RBFOX1: variants seen among roughly 807,000 people sequenced by gnomAD.
The protein encoded by RBFOX1 is RNA binding protein fox-1 homolog 1.
RBFOX1 carries 8 observed loss-of-function variants against 57.7 expected under a neutral mutation model. The ratio of observed to expected loss-of-function variants is 0.14; its 90% CI spans 0.08 to 0.25. RBFOX1 has a LOEUF of 0.25. Among genes scored for constraint, RBFOX1 ranks in the 10% least tolerant of loss-of-function variants. RBFOX1 has a pLI of 1.00. For synonymous variants in RBFOX1, 326 were observed against 222.4 expected, an observed-to-expected ratio of 1.47 and a Z score of -4.15; for missense variants, 611 against 548.5, an observed-to-expected ratio of 1.11 and a Z score of -1.14.
At chr16:7,407,948 A>G (rs1018899254) in intron 4 of RBFOX1, among the ~76,000 whole-genome samples, 1 of 152,202 alleles carries the variant, frequency 6.6e-6, no homozygotes, top group Non-Finnish European at 1.5e-5. Context: ...TTGGGCCGCA[A>G]TGGCAGAATT....
At chr16:6,780,251 A>G (rs1345153826) in intron 3 of RBFOX1, among the ~76,000 whole-genome samples, 3 of 86,180 alleles carry the variant, frequency 3.5e-5, no homozygotes, top group Admixed American at 2.2e-4. Flanking sequence ...TTACATATAT[A>G]TTTATATATA....
intron 2 of RBFOX1, among the ~76,000 whole-genome samples, chr16:5,492,415 G>A (rs2042865068): frequency 6.6e-6 from 1 of 152,188 alleles, no homozygotes; most frequent in African/African-American, 2.4e-5. Context: ...AGGGGAGAGA[G>A]TTGGAGATAC....
At chr16:5,270,853 C>T in intron 1 of RBFOX1, 1 of 419,530 alleles carries the variant, frequency 2.4e-6, no homozygotes, top group Non-Finnish European at 4.5e-6. Flanking sequence ...CATGGAGCTT[C>T]ATGGTGAAGG....
intron 11 of RBFOX1, among the ~76,000 whole-genome samples, chr16:7,643,605 A>G (rs1165254488): frequency 6.6e-6 from 1 of 152,194 alleles, no homozygotes; most frequent in Non-Finnish European, 1.5e-5. Flanking sequence ...CTCACACTGT[A>G]CTAGTACAAA....
downstream of RBFOX1, chr16:5,601,448 A>G (rs1252104448): frequency 1.3e-5 from 2 of 152,228 alleles, no homozygotes; most frequent in African/African-American, 4.8e-5. Context: ...CCCTTAGATG[A>G]TGTAGCCTCA....
At chr16:6,229,719 A>G in intron 1 of RBFOX1, among the ~76,000 whole-genome samples, 1 of 152,098 alleles carries the variant, frequency 6.6e-6, no homozygotes, top group East Asian at 1.9e-4. Flanking sequence ...AAAAAAAAAA[A>G]AATAAGATTT....
At chr16:6,991,962 T>G (rs2091540551) in intron 3 of RBFOX1, among the ~76,000 whole-genome samples, 1 of 152,204 alleles carries the variant, frequency 6.6e-6, no homozygotes, top group Non-Finnish European at 1.5e-5. Flanking sequence ...TCCCAGATCC[T>G]GTGTTGTTAA....
intron 2 of RBFOX1, among the ~76,000 whole-genome samples, chr16:6,373,434 A>G (rs2090759872): frequency 6.6e-6 from 1 of 151,772 alleles, no homozygotes; most frequent in Non-Finnish European, 1.5e-5. Context: ...GGGTGGAAGT[A>G]TAACTGGATG....
chr16:5,434,042 G>A (rs1010810018), intron 1 of RBFOX1, among the ~76,000 whole-genome samples: 1 of 151,990 alleles, frequency 6.6e-6, no homozygotes. Context: ...TAGGGGCGGG[G>A]AGAAGGGGGT....
At chr16:5,714,201 A>C (rs1292159914) in intron 3 of RBFOX1, among the ~76,000 whole-genome samples, 1 of 152,268 alleles carries the variant, frequency 6.6e-6, no homozygotes, top group Admixed American at 6.5e-5. Context: ...GCCTTTTGCC[A>C]TGAGGGCTTG....
chr16:5,643,928 T>C (rs2048964210), intron 3 of RBFOX1, among the ~76,000 whole-genome samples: 1 of 152,240 alleles, frequency 6.6e-6, no homozygotes, highest in South Asian at 2.1e-4. Flanking sequence ...ACAATGACAT[T>C]ATACCAAATG....
At chr16:6,788,293 C>A (rs916191435) in intron 3 of RBFOX1, among the ~76,000 whole-genome samples, 2 of 151,874 alleles carry the variant, frequency 1.3e-5, no homozygotes, top group African/African-American at 4.8e-5. Context: ...ATAGGATGTC[C>A]CTTTTCCAAA....
At chr16:6,851,245 G>T (rs943172533) in intron 3 of RBFOX1, among the ~76,000 whole-genome samples, 9 of 152,152 alleles carry the variant, frequency 5.9e-5, no homozygotes, top group African/African-American at 2.2e-4. Flanking sequence ...TAGATATAGA[G>T]AATCAATGCG....
intron 4 of RBFOX1, among the ~76,000 whole-genome samples, chr16:7,358,705 C>A (rs544345523): frequency 6.6e-6 from 1 of 152,318 alleles, no homozygotes; most frequent in South Asian, 2.1e-4. Flanking sequence ...CAAGCGTGAA[C>A]CACTGCGCCC....
At chr16:5,324,744 G>C (rs2064515536) in intron 1 of RBFOX1, among the ~76,000 whole-genome samples, 1 of 152,152 alleles carries the variant, frequency 6.6e-6, no homozygotes, top group African/African-American at 2.4e-5. Flanking sequence ...CTTATAAGTG[G>C]GAGCTAAATG....
At chr16:5,265,121 A>G (rs2062826970) in intron 1 of RBFOX1, among the ~76,000 whole-genome samples, 2 of 152,192 alleles carry the variant, frequency 1.3e-5, no homozygotes, top group Non-Finnish European at 2.9e-5. Context: ...ACTGGTTTAT[A>G]AAATAGAAAA....
chr16:7,387,500 T>C (rs59832892), intron 4 of RBFOX1, among the ~76,000 whole-genome samples: 12,377 of 152,232 alleles, frequency 0.081, 545 homozygotes, highest in East Asian at 0.2. Context: ...TCTCCCTGGG[T>C]CTCGTTTCTT....
At chr16:5,931,787 G>C (rs1448150357) in intron 4 of RBFOX1, among the ~76,000 whole-genome samples, 1 of 152,132 alleles carries the variant, frequency 6.6e-6, no homozygotes, top group Non-Finnish European at 1.5e-5. Flanking sequence ...TTTGGAACTT[G>C]AATATGATGC....
In RBFOX1 at chr16:7,262,221, C is replaced by G. The variant is rs146842614; in HGVS notation, c.27+210123C>G. ...AATGAGTTATTTCTACTGCAGTAAG[C>G]CACATTTTCATGCATGCATAGCCTG... On this transcript the variant is annotated intron_variant, in intron 4 of 15. Transcript: ENST00000550418. Among the ~76,000 whole-genome samples, 718 of 152,126 alleles carry G rather than the reference C, an allele frequency of 4.7e-3. 4 individuals are homozygous for G. The highest frequency in any genetic ancestry group is 0.016 in the African/African-American group (683 of 41,496).
Sources: allele counts gnomAD v4.1 joint callset (sites outside exome capture counted in the v4.1 genomes callset), GRCh38; gene constraint gnomAD v4.1.1; transcripts MANE v1.5; gene names NCBI Gene and HGNC (gene_info 2026-07-23, HGNC 2026-07-21).